Variants in HSDL2 observed in about 807,000 individuals in gnomAD.
HSDL2 encodes the protein hydroxysteroid dehydrogenase-like protein 2.
Under a neutral mutation model 46.3 loss-of-function variants are expected in HSDL2, and 27 were observed. The observed-to-expected ratio is 0.58, with a 90% CI of 0.43 to 0.80. The LOEUF (loss-of-function observed/expected upper bound fraction) is 0.80. HSDL2 is among the 30% of genes least tolerant of loss of function. The pLI is 0.00. For missense variants in HSDL2, 451 were observed against 502.7 expected (o/e 0.90, Z 0.98); for synonymous variants, 153 against 163.6 (o/e 0.94, Z 0.50).
chr9:112,468,320 C>T (rs1443371849), intron 10 of HSDL2, among the ~76,000 whole-genome samples: 1 of 152,156 alleles, frequency 6.6e-6, no homozygotes, highest in Non-Finnish European at 1.5e-5. Context: ...TCAGTTTTCT[C>T]TCTTCTGACT....
At chr9:112,408,847 CT>C (rs1831793508) in intron 3 of HSDL2, 59 bp from the exon 4 acceptor site, 18 of 912,400 alleles carry the variant, frequency 2.0e-5, no homozygotes, top group South Asian at 4.5e-5. Flanking sequence ...AGAGTAAACG[CT>C]TTTTTTGTGT....
At chr9:112,426,872 A>C (rs1179036171) in intron 6 of HSDL2, among the ~76,000 whole-genome samples, 2 of 152,134 alleles carry the variant, frequency 1.3e-5, no homozygotes, top group Non-Finnish European at 2.9e-5. Flanking sequence ...TTAATTATGA[A>C]AAAAGTCAAA....
At chr9:112,443,973 G>T (rs1462375900) in intron 8 of HSDL2, among the ~76,000 whole-genome samples, 1 of 152,168 alleles carries the variant, frequency 6.6e-6, no homozygotes, top group African/African-American at 2.4e-5. Context: ...GGCTTTGATA[G>T]GGATAACTTT....
intron 10 of HSDL2, among the ~76,000 whole-genome samples, chr9:112,470,091 G>GT (rs1587977095): frequency 6.6e-6 from 1 of 152,096 alleles, no homozygotes; most frequent in Non-Finnish European, 1.5e-5. Context: ...ATGAACTATC[G>GT]TAAGTTGGAA....
chr9:112,421,539 AT>A (rs1005161409), intron 6 of HSDL2, among the ~76,000 whole-genome samples: 6 of 152,062 alleles, frequency 3.9e-5, no homozygotes, highest in African/African-American at 1.4e-4. Flanking sequence ...AAGTCTTCAT[AT>A]TCTTCATTAC....
At chr9:112,392,758 G>A (rs1010624448) in intron 1 of HSDL2, among the ~76,000 whole-genome samples, 4 of 152,092 alleles carry the variant, frequency 2.6e-5, no homozygotes, top group East Asian at 1.9e-4. Flanking sequence ...TCAAACACAC[G>A]TTTTACAATC....
chr9:112,405,515 A>G (rs1165962063), intron 2 of HSDL2, 109 bp from the exon 3 acceptor site: 4 of 700,178 alleles, frequency 5.7e-6, no homozygotes, highest in Non-Finnish European at 9.7e-6. Flanking sequence ...AGTTATTTAT[A>G]TTGATTTTCT....
At position 112,444,834 on chromosome 9, in the gene HSDL2, G is replaced by GTTTT; in HGVS notation, c.865+3081_865+3084dup. On this transcript the variant is annotated intron_variant, in intron 8 of 10. Transcript: ENST00000398805. Reference sequence around the variant, plus strand: ...GAACACAGGGAGCCCACTCAGTCTTGTTTTTTTTTTTTTTTTTTTTGACTT... The same window carrying GTTTT: ...GAACACAGGGAGCCCACTCAGTCTTGTTTTTTTTTTTTTTTTTTTTTTTTGACTT... 7.7e-4 allele frequency among the ~76,000 whole-genome samples: 61 copies of GTTTT among 79,624 alleles called. 2 individuals are homozygous for GTTTT. Among genetic ancestry groups the GTTTT allele is most frequent in the African/African-American group, 2.6e-3 (47 of 18,296 alleles). The allele number at this position is 79,624 out of a possible 152,430, so 52.2% of individuals were successfully genotyped here.
chr9:112,424,547 T>G (rs1042819111), intron 6 of HSDL2, among the ~76,000 whole-genome samples: 13 of 151,910 alleles, frequency 8.6e-5, no homozygotes, highest in Non-Finnish European at 1.6e-4. Flanking sequence ...CTCCTCTCTC[T>G]TCCTCTCTAG....
intron 1 of HSDL2, among the ~76,000 whole-genome samples, chr9:112,401,229 A>C (rs2132616685): frequency 6.6e-6 from 1 of 152,286 alleles, no homozygotes; most frequent in East Asian, 1.9e-4. Flanking sequence ...TGGGAAGCCA[A>C]GGCAGGAGGA....
intron 1 of HSDL2, among the ~76,000 whole-genome samples, chr9:112,399,010 C>T (rs1210919832): frequency 1.3e-5 from 2 of 152,136 alleles, no homozygotes; most frequent in Non-Finnish European, 2.9e-5. Flanking sequence ...GTGAACCGGA[C>T]CAATGAACGT....
intron 10 of HSDL2, among the ~76,000 whole-genome samples, chr9:112,460,861 G>A (rs1011633922): frequency 6.6e-6 from 1 of 151,918 alleles, no homozygotes; most frequent in Non-Finnish European, 1.5e-5. Context: ...CCAAAATATG[G>A]TTTAGCATCT....
intron 10 of HSDL2, among the ~76,000 whole-genome samples, chr9:112,467,775 T>C (rs1203073804): frequency 6.6e-6 from 1 of 152,148 alleles, no homozygotes; most frequent in South Asian, 2.1e-4. Flanking sequence ...GTCAAATGTA[T>C]CAGCTTGTGT....
chr9:112,397,195 T>A (rs1256192965), intron 1 of HSDL2, among the ~76,000 whole-genome samples: 2 of 152,178 alleles, frequency 1.3e-5, no homozygotes, highest in Non-Finnish European at 2.9e-5. Context: ...AAGAAAAGAA[T>A]CAGTCGAGCC....
At chr9:112,431,125 A>G (rs1389571053) in intron 6 of HSDL2, among the ~76,000 whole-genome samples, 1 of 151,894 alleles carries the variant, frequency 6.6e-6, no homozygotes, top group Non-Finnish European at 1.5e-5. Context: ...TGGAGTCGCC[A>G]GGAACTGAGA....
At position 112,380,168 on chromosome 9, in the gene HSDL2, T is replaced by A. The variant is rs769530025; in HGVS notation, c.5T>A (p.Leu2Ter). The A allele has an allele frequency of 3.8e-6, 6 of 1,573,682 alleles. No individual in the cohort carries two copies. In the East Asian group the frequency reaches 1.4e-4, roughly 37 times the overall value. Reference sequence around the variant, plus strand: ...CTCCTCTGATCTACGAAAGTCATGTTACCCAACACCGGGTAAGGGGGTAGG... The same window carrying A: ...CTCCTCTGATCTACGAAAGTCATGTAACCCAACACCGGGTAAGGGGGTAGG... M[L>*]PNTGRLAGCT... is the part of the protein sequence containing the mutation. Residue 2 changes from leucine (L) to a stop codon, truncating the protein, a stop_gained, in exon 1 of 11, where the codon TTA becomes TAA. Coordinates refer to ENST00000398805, the MANE Select transcript of HSDL2 (RefSeq NM_032303.5). LOFTEE classifies it high-confidence loss of function.
chr9:112,402,776 C>G (rs934256594), intron 1 of HSDL2, among the ~76,000 whole-genome samples: 2 of 152,122 alleles, frequency 1.3e-5, no homozygotes, highest in African/African-American at 4.8e-5. Flanking sequence ...CAAAAATTAG[C>G]TGGGCGTGGT....
chr9:112,390,476 A>T (rs1167780698), intron 1 of HSDL2, among the ~76,000 whole-genome samples: 1 of 152,166 alleles, frequency 6.6e-6, no homozygotes. Flanking sequence ...CTATTTAGAG[A>T]CAGGGTCTCG....
intron 1 of HSDL2, among the ~76,000 whole-genome samples, chr9:112,385,813 G>A (rs1403363427): frequency 6.6e-6 from 1 of 151,514 alleles, no homozygotes; most frequent in African/African-American, 2.4e-5. Context: ...TTTTTTAGTA[G>A]AGACGGGGTT....
Sources: allele counts gnomAD v4.1 joint callset (sites outside exome capture counted in the v4.1 genomes callset), GRCh38; gene constraint gnomAD v4.1.1; transcripts MANE v1.5; gene names NCBI Gene and HGNC (gene_info 2026-07-23, HGNC 2026-07-21).